The following LYN variants were observed in gnomAD, a reference collection of about 807,000 sequenced individuals.
The protein encoded by LYN is tyrosine-protein kinase Lyn.
LYN carries 12 observed loss-of-function variants against 65.0 expected under a neutral mutation model. The observed-to-expected ratio is 0.18, with a 90% CI of 0.12 to 0.30. LYN has a LOEUF of 0.30. LYN is among the 10% of genes least tolerant of loss of function. The pLI, the probability that LYN is intolerant of heterozygous loss-of-function variation, is 1.00. For missense variants in LYN, 380 were observed against 623.2 expected (o/e 0.61, Z 4.16); for synonymous variants, 222 against 221.2 (o/e 1.00, Z -0.03).
intron 1 of LYN, among the ~76,000 whole-genome samples, chr8:55,916,449 A>G (rs1805782018): frequency 1.3e-5 from 2 of 152,334 alleles, no homozygotes; most frequent in East Asian, 1.9e-4. Context: ...AAAGATTTCC[A>G]TACATAATAC....
At chr8:55,929,896 G>A (rs73606873) in intron 1 of LYN, among the ~76,000 whole-genome samples, 4,321 of 152,306 alleles carry the variant, frequency 0.028, 127 homozygotes, top group African/African-American at 0.073. Flanking sequence ...CCTGGGCCAT[G>A]GACTGGTACT....
chr8:56,009,872 A>T, intron 12 of LYN, 36 bp from the exon 13 acceptor site: 3 of 1,582,764 alleles, frequency 1.9e-6, no homozygotes, highest in Non-Finnish European at 2.6e-6. Context: ...TCTAAACGGC[A>T]TGGGTTTCTG....
At chr8:55,991,198 AC>A (rs1808238557) in intron 10 of LYN, among the ~76,000 whole-genome samples, 1 of 152,054 alleles carries the variant, frequency 6.6e-6, no homozygotes, top group Non-Finnish European at 1.5e-5. Context: ...ACCTTTTCTC[AC>A]CTGCTGTGGC....
chr8:55,955,424 C>T (rs1197420263), intron 8 of LYN: 1 of 152,206 alleles, frequency 6.6e-6, no homozygotes, highest in African/African-American at 2.4e-5. Flanking sequence ...CTGTTCCACT[C>T]AGCAGATTCA....
chr8:55,951,061 A>T (rs1779849073), intron 6 of LYN, among the ~76,000 whole-genome samples: 1 of 151,964 alleles, frequency 6.6e-6, no homozygotes. Flanking sequence ...TGGGCAACAC[A>T]GCAAGACCCC....
At chr8:55,971,803 A>AAGTAATTTTTCTAACCTCGAAG (rs1189014656) in intron 10 of LYN, among the ~76,000 whole-genome samples, 1 of 152,212 alleles carries the variant, frequency 6.6e-6, no homozygotes, top group East Asian at 1.9e-4. Context: ...TTACCTCGAA[A>AAGTAATTTTTCTAACCTCGAAG]AGTAATTTTT....
At chr8:55,930,136 T>C (rs1456078773) in intron 1 of LYN, among the ~76,000 whole-genome samples, 5 of 152,068 alleles carry the variant, frequency 3.3e-5, no homozygotes, top group Non-Finnish European at 7.4e-5. Context: ...TGTGGAAAAA[T>C]TGCCTTCCAT....
intron 1 of LYN, among the ~76,000 whole-genome samples, chr8:55,938,884 C>T (rs1416742047): frequency 1.3e-5 from 2 of 152,200 alleles, no homozygotes. Flanking sequence ...CCCAGCTATG[C>T]TGTGCGCGAG....
rs144320911 is a variant in LYN at position 55,979,647 on chromosome 8, G to T, written c.1050+9854G>T. Among the ~76,000 whole-genome samples the T allele has an allele frequency of 2.8e-3, 427 of 152,238 alleles. 2 individuals are homozygous for T. The highest frequency in any genetic ancestry group is 4.7e-3 in the Non-Finnish European group (323 of 68,018). ...ATGTGTATTCTGAGGTCAGTTTGGT[G>T]CCTGGAATGCATTCCCCAGGTTTTG... On this transcript the variant is annotated intron_variant, in intron 10 of 12. Coordinates refer to ENST00000519728, the MANE Select transcript of LYN (RefSeq NM_002350.4).
intron 9 of LYN, among the ~76,000 whole-genome samples, chr8:55,968,548 A>G (rs965527614): frequency 6.6e-6 from 1 of 152,186 alleles, no homozygotes. Flanking sequence ...TGAGCCACCA[A>G]GCTTGGCCAA....
intron 1 of LYN, among the ~76,000 whole-genome samples, chr8:55,899,120 G>A (rs1365033094): frequency 4.6e-5 from 7 of 152,152 alleles, no homozygotes; most frequent in African/African-American, 1.7e-4. Flanking sequence ...TGCCAGCACA[G>A]TTACTACCTG....
At chr8:55,999,646 G>C (rs560874866) in intron 12 of LYN, 97 bp downstream of exon 12, 2 of 1,219,380 alleles carry the variant, frequency 1.6e-6, no homozygotes, top group East Asian at 4.7e-5. Flanking sequence ...TCATCTACCC[G>C]ATAGCAAAGA....
At chr8:55,937,352 A>T (rs943094244) in intron 1 of LYN, among the ~76,000 whole-genome samples, 1 of 152,202 alleles carries the variant, frequency 6.6e-6, no homozygotes, top group African/African-American at 2.4e-5. Flanking sequence ...GCAACAGCCT[A>T]ATTTAAATAT....
At chr8:55,912,546 C>T (rs759940265) in intron 1 of LYN, among the ~76,000 whole-genome samples, 3 of 151,926 alleles carry the variant, frequency 2.0e-5, no homozygotes, top group African/African-American at 7.3e-5. Context: ...GCCAACGTGG[C>T]GAAACCCCGT....
At chr8:55,892,920 T>C (rs920936544) in intron 1 of LYN, among the ~76,000 whole-genome samples, 2 of 152,182 alleles carry the variant, frequency 1.3e-5, no homozygotes, top group Non-Finnish European at 2.9e-5. Context: ...CAGAATGATG[T>C]TGACCCTCCC....
At chr8:56,009,691 C>CATA (rs1211178467) in intron 12 of LYN, among the ~76,000 whole-genome samples, 1 of 152,128 alleles carries the variant, frequency 6.6e-6, no homozygotes. Context: ...GGCCTTATCT[C>CATA]TAAATATGGT....
intron 4 of LYN, among the ~76,000 whole-genome samples, chr8:55,949,327 C>T (rs1456410416): frequency 6.6e-6 from 1 of 152,180 alleles, no homozygotes; most frequent in Non-Finnish European, 1.5e-5. Flanking sequence ...CCATTTGTAC[C>T]AACTCTTCTT....
intron 10 of LYN, among the ~76,000 whole-genome samples, chr8:55,991,846 C>T (rs1344980600): frequency 6.6e-6 from 1 of 152,252 alleles, no homozygotes; most frequent in East Asian, 1.9e-4. Context: ...AAAATACCAT[C>T]ATATGTTTTC....
At chr8:55,881,508 T>C (rs2130341068) in intron 1 of LYN, among the ~76,000 whole-genome samples, 1 of 152,268 alleles carries the variant, frequency 6.6e-6, no homozygotes, top group African/African-American at 2.4e-5. Context: ...CCATTCTCAT[T>C]TGGAGGTAAG....
Sources: gnomAD v4.1 joint callset for allele counts (sites outside exome capture counted in the v4.1 genomes callset) on GRCh38, gnomAD v4.1.1 for gene constraint, MANE v1.5 for transcripts, NCBI Gene and HGNC (gene_info 2026-07-23, HGNC 2026-07-21) for gene names.